The following DEPDC5 variants were observed in gnomAD, a reference collection of about 807,000 sequenced individuals.
DEPDC5 encodes the protein GATOR1 complex protein DEPDC5.
DEPDC5 carries 73 observed loss-of-function variants against 217.3 expected under a neutral mutation model. The ratio of observed to expected loss-of-function variants is 0.34; its 90% CI spans 0.28 to 0.41. The LOEUF (loss-of-function observed/expected upper bound fraction) is 0.41. Among genes scored for constraint, DEPDC5 ranks in the 10% least tolerant of loss-of-function variants. The probability of loss-of-function intolerance (pLI) is 1.00; values close to 1 mark genes in which losing one functional copy is unlikely to be tolerated. For synonymous variants in DEPDC5, 733 were observed against 756.7 expected (o/e 0.97, Z 0.51); for missense variants, 1,675 against 2,070.1 (o/e 0.81, Z 3.70).
chr22:31,838,535 G>A, intron 26 of DEPDC5, 150 bp from the exon 27 acceptor site: 1 of 1,017,638 alleles, frequency 9.8e-7, no homozygotes, highest in African/African-American at 1.6e-5. Context: ...ACAGACATGA[G>A]CCACCATGCC....
chr22:31,770,568 A>G (rs372062031), intron 7 of DEPDC5, among the ~76,000 whole-genome samples: 1 of 88,210 alleles, frequency 1.1e-5, no homozygotes, highest in East Asian at 3.2e-4. Flanking sequence ...TTTTTTTTGT[A>G]TTTTTAGTAG....
At chr22:31,808,073 A>G (rs1212149761) in intron 18 of DEPDC5, among the ~76,000 whole-genome samples, 3 of 152,116 alleles carry the variant, frequency 2.0e-5, no homozygotes, top group African/African-American at 7.2e-5. Context: ...AGCAAAGTAG[A>G]ACATGGAAAA....
intron 36 of DEPDC5, chr22:31,875,539 C>CT (rs1407217484): frequency 6.8e-6 from 1 of 147,798 alleles, no homozygotes; most frequent in African/African-American, 2.5e-5. Flanking sequence ...GTGGGAGAGT[C>CT]TAAGGAGATT....
At chr22:31,764,356 A>G (rs1394816513) in intron 4 of DEPDC5, among the ~76,000 whole-genome samples, 1 of 152,116 alleles carries the variant, frequency 6.6e-6, no homozygotes, top group Non-Finnish European at 1.5e-5. Flanking sequence ...TCCAAAGAGA[A>G]GATCTCCTTT....
chr22:31,771,075 C>T (rs1601693470), intron 7 of DEPDC5, among the ~76,000 whole-genome samples: 1 of 152,106 alleles, frequency 6.6e-6, no homozygotes, highest in Admixed American at 6.6e-5. Context: ...TGAGCCACCG[C>T]ACGCGGCCCC....
intron 5 of DEPDC5, 21 bp from the exon 6 acceptor site, chr22:31,766,564 T>C (rs2082835989): frequency 2.5e-6 from 4 of 1,609,006 alleles, no homozygotes; most frequent in Admixed American, 1.7e-5. Flanking sequence ...GTCAGAGATA[T>C]CATTTGATTA....
intron 37 of DEPDC5, among the ~76,000 whole-genome samples, chr22:31,878,076 A>G (rs2093055150): frequency 6.6e-6 from 1 of 151,994 alleles, no homozygotes; most frequent in African/African-American, 2.4e-5. Flanking sequence ...AGACCCAGCT[A>G]CTTGGGAGGC....
intron 24 of DEPDC5, among the ~76,000 whole-genome samples, chr22:31,827,328 T>G (rs1232411882): frequency 6.6e-6 from 1 of 152,158 alleles, no homozygotes; most frequent in Non-Finnish European, 1.5e-5. Flanking sequence ...ATAAAATTAT[T>G]CAAATTTTTA....
At chr22:31,824,205 G>A (rs1231590709) in intron 24 of DEPDC5, among the ~76,000 whole-genome samples, 1 of 152,170 alleles carries the variant, frequency 6.6e-6, no homozygotes. Context: ...AATTAGCCAG[G>A]TGTGGTGGCA....
intron 20 of DEPDC5, among the ~76,000 whole-genome samples, chr22:31,811,045 G>A (rs2088253587): frequency 6.6e-6 from 1 of 152,072 alleles, no homozygotes; most frequent in Non-Finnish European, 1.5e-5. Context: ...AAAATGCTAG[G>A]ATTAGAGGCG....
chr22:31,893,781 T>A, intron 39 of DEPDC5, 30 bp downstream of exon 39: 1 of 1,541,556 alleles, frequency 6.5e-7, no homozygotes, highest in South Asian at 1.3e-5. Flanking sequence ...TTGTCAGGCC[T>A]TTGGCTCACC....
chr22:31,821,583 C>T lies in DEPDC5; in HGVS notation c.1952C>T (p.Pro651Leu), dbSNP rs768683931. The change falls in exon 23 of 43, where the codon CCA (proline) becomes CTA (leucine). Residue 651 changes from proline to leucine, a missense_variant. Pro to Leu is a moderately conservative substitution (Grantham distance 98, BLOSUM62 -3). Coordinates refer to ENST00000651528, the MANE Select transcript of DEPDC5 (RefSeq NM_001242896.3). The stretch of plus-strand genomic sequence containing the variant: ...CTACAAGGCAGCGGGCAGAGGGATC[C>T]AACTCACTCCTCTGCAGAGCTGCTG... ...AELQGSGQRD[P>L]THSSAELLEL... is the part of the protein sequence containing the mutation. 6.2e-7 allele frequency: 1 copy of T among 1,614,200 alleles called. No homozygotes were observed. Among genetic ancestry groups the T allele is most frequent in the Admixed American group, 1.7e-5 (1 of 60,026 alleles).
Position 31,897,458 on chromosome 22 carries a change from G to A in DEPDC5, c.4204-24G>A, listed in dbSNP as rs369802953. 13 of 1,585,914 alleles carry A rather than the reference G, an allele frequency of 8.2e-6. 1 individual carries two copies. Among genetic ancestry groups the A allele is most frequent in the African/African-American group, 1.4e-5 (1 of 73,856 alleles). ...TTTGAAAGAACTTGGAGATGATATT[G>A]TTTGTTTCTGTACTTTCCGCCAGGT... On this transcript the variant is annotated intron_variant, in intron 39 of 42. Coordinates refer to ENST00000651528, the MANE Select transcript of DEPDC5 (RefSeq NM_001242896.3).
intron 10 of DEPDC5, 113 bp from the exon 11 acceptor site, chr22:31,791,920 C>A: frequency 2.2e-6 from 1 of 460,094 alleles, no homozygotes; most frequent in Non-Finnish European, 3.4e-6. Context: ...AGTAAGACTC[C>A]GTCTCAAAAA....
chr22:31,841,124 C>T (rs1017901055), intron 27 of DEPDC5, among the ~76,000 whole-genome samples: 1 of 152,246 alleles, frequency 6.6e-6, no homozygotes, highest in African/African-American at 2.4e-5. Flanking sequence ...TGCCCTCTTT[C>T]TTGCTGTAGA....
intron 31 of DEPDC5, among the ~76,000 whole-genome samples, chr22:31,856,063 C>A (rs1407211782): frequency 4.6e-5 from 7 of 151,530 alleles, no homozygotes; most frequent in Admixed American, 2.0e-4. Context: ...GAGTGGGTGC[C>A]AAGAGAAGCT....
intron 25 of DEPDC5, 159 bp from the exon 26 acceptor site, chr22:31,836,813 C>T (rs2091032993): frequency 4.7e-6 from 3 of 641,310 alleles, no homozygotes; most frequent in Non-Finnish European, 8.1e-6. Context: ...CTCTCTCTTT[C>T]TCCCTCCCCT....
chr22:31,831,865 A>T (rs1416993479), intron 24 of DEPDC5, among the ~76,000 whole-genome samples: 1 of 152,224 alleles, frequency 6.6e-6, no homozygotes, highest in Non-Finnish European at 1.5e-5. Flanking sequence ...CCCACAAACA[A>T]ACACATCAAG....
chr22:31,802,211 C>T (rs970199028), intron 14 of DEPDC5, among the ~76,000 whole-genome samples: 4 of 150,264 alleles, frequency 2.7e-5, no homozygotes, highest in Admixed American at 1.3e-4. Context: ...CTCACTGCGC[C>T]TCTGCCTCCT....
Sources: allele counts gnomAD v4.1 joint callset (sites outside exome capture counted in the v4.1 genomes callset), GRCh38; gene constraint gnomAD v4.1.1; transcripts MANE v1.5; gene names NCBI Gene and HGNC (gene_info 2026-07-23, HGNC 2026-07-21).